Variants in STAT5B observed in about 807,000 individuals in gnomAD.
STAT5B encodes transcription factor STAT5B.
A neutral mutation model predicts 107.8 loss-of-function variants in STAT5B; 21 were observed. That is an observed-to-expected ratio of 0.19 (90% CI 0.14 to 0.28). The LOEUF is 0.28. Among genes scored for constraint, STAT5B ranks in the 10% least tolerant of loss-of-function variants. The pLI is 1.00. For synonymous variants in STAT5B, 325 were observed against 401.7 expected, an observed-to-expected ratio of 0.81 and a Z score of 2.28; for missense variants, 565 against 1,008.2, an observed-to-expected ratio of 0.56 and a Z score of 5.95.
Position 42,210,242 on chromosome 17 carries a change from T to C in STAT5B, c.1835A>G (p.Asp612Gly). Residue 612 changes from aspartate (D) to glycine (G), a missense_variant, in exon 15 of 19, where the codon GAT becomes GGT. Physicochemically the swap from Asp to Gly is moderately conservative, Grantham distance 94 (BLOSUM62 -1). Coordinates refer to ENST00000293328, the MANE Select transcript of STAT5B (RefSeq NM_012448.4). ...ACTGAATCTCAGGAGGAAGGTCCCA[T>C]CTGGCTTGTTAATGAGTAGGTCATG... ...QAHDLLINKPDGTFLLRFSDS... is the reference protein window; with the variant it reads ...QAHDLLINKPGGTFLLRFSDS... The C allele has an allele frequency of 6.2e-7, 1 of 1,614,206 alleles. No individual in the cohort carries two copies. Among genetic ancestry groups the C allele is most frequent in the Non-Finnish European group, 8.5e-7 (1 of 1,180,034 alleles).
chr17:42,221,347 T>C lies in STAT5B; in HGVS notation c.551-1505A>G, dbSNP rs373282709. ...CCCACTTAGGGCTCTCCTGGAAATT[T>C]GCAGAAGCTTTTGGGAAGGAGGCCA... On this transcript the variant is annotated intron_variant, in intron 5 of 18. Transcript: ENST00000293328. Among the ~76,000 whole-genome samples, 25 of 152,110 alleles carry C rather than the reference T, an allele frequency of 1.6e-4. No homozygotes were observed. The East Asian group carries it at 4.2e-3, about 26-fold the overall frequency.
At chr17:42,223,618 C>G in intron 4 of STAT5B, 62 bp from the exon 5 acceptor site, 1 of 1,591,550 alleles carries the variant, frequency 6.3e-7, no homozygotes, top group South Asian at 1.1e-5. Context: ...AGGCCTTAAT[C>G]CCCAGGAAAA....
At chr17:42,228,328 T>C (rs1161913689) in intron 2 of STAT5B, among the ~76,000 whole-genome samples, 1 of 152,190 alleles carries the variant, frequency 6.6e-6, no homozygotes, top group Non-Finnish European at 1.5e-5. Context: ...CTACAGACTT[T>C]GCATTGATTT....
At chr17:42,250,387 C>A (rs993687125) in intron 1 of STAT5B, among the ~76,000 whole-genome samples, 1 of 152,154 alleles carries the variant, frequency 6.6e-6, no homozygotes, top group African/African-American at 2.4e-5. Context: ...TTAAGCCACC[C>A]ACACACCCAC....
intron 1 of STAT5B, among the ~76,000 whole-genome samples, chr17:42,236,608 AT>A (rs36115673): frequency 6.6e-6 from 1 of 151,904 alleles, no homozygotes; most frequent in African/African-American, 2.4e-5. Context: ...CGCCTGGCTA[AT>A]TTTTTTTAGT....
chr17:42,256,424 C>T (rs909190322), intron 1 of STAT5B, among the ~76,000 whole-genome samples: 18 of 152,114 alleles, frequency 1.2e-4, no homozygotes, highest in African/African-American at 4.1e-4. Context: ...CACTTTCAGT[C>T]CTTCTGAGGG....
At chr17:42,210,913 G>A (rs115479264) in intron 13 of STAT5B, among the ~76,000 whole-genome samples, 1,804 of 152,180 alleles carry the variant, frequency 0.012, 28 homozygotes, top group African/African-American at 0.042. Context: ...TTCAAATCAA[G>A]GTGATAGCCG....
At chr17:42,238,095 TATCCATCCATCCATCCATCC>T (rs60439745) in intron 1 of STAT5B, among the ~76,000 whole-genome samples, 7,315 of 141,054 alleles carry the variant, frequency 0.052, 280 homozygotes, top group Non-Finnish European at 0.075. Flanking sequence ...TAAACTTTTC[TATCCATCCATCCATCCATCC>T]ATCCATCCAT....
chr17:42,225,435 T>C (rs889236916), intron 3 of STAT5B, among the ~76,000 whole-genome samples: 2 of 152,128 alleles, frequency 1.3e-5, no homozygotes, highest in African/African-American at 4.8e-5. Flanking sequence ...CACTCTCAAA[T>C]GGGCAATCAA....
At chr17:42,284,645 T>C in the STAT5B span, among the ~76,000 whole-genome samples, 1 of 152,148 alleles carries the variant, frequency 6.6e-6, no homozygotes, top group African/African-American at 2.4e-5. Context: ...TCCCATTCAA[T>C]AGAGCAGGGG....
At chr17:42,241,601 TCTGG>T in intron 1 of STAT5B, among the ~76,000 whole-genome samples, 1 of 152,016 alleles carries the variant, frequency 6.6e-6, no homozygotes, top group Non-Finnish European at 1.5e-5. Context: ...TGCCACTGTG[TCTGG>T]CTAATTTTTG....
chr17:42,282,992 A>G, the STAT5B span, among the ~76,000 whole-genome samples: 1 of 152,048 alleles, frequency 6.6e-6, no homozygotes, highest in Non-Finnish European at 1.5e-5. Flanking sequence ...AGACTTAAGA[A>G]ACGAAGAAAC....
In STAT5B at chr17:42,202,289, G is replaced by A. The variant is rs749983615; in HGVS notation, c.2237+51C>T. 15 of 1,608,858 alleles carry A rather than the reference G, an allele frequency of 9.3e-6. No homozygotes were observed. In the South Asian group the frequency reaches 1.4e-4, roughly 15 times the overall value. On this transcript the variant is annotated intron_variant, in intron 18 of 18. Coordinates refer to ENST00000293328, the MANE Select transcript of STAT5B (RefSeq NM_012448.4). ...CCAGCCCTCCAGGGGTCCAGCCTGG[G>A]GCCAAGCCCCCAGTTCCTCCCCTGT...
At chr17:42,227,288 TCAA>T (rs1024431915) in intron 3 of STAT5B, among the ~76,000 whole-genome samples, 2 of 149,960 alleles carry the variant, frequency 1.3e-5, no homozygotes, top group African/African-American at 4.9e-5. Context: ...AACATAAAAG[TCAA>T]CAACAGGTGA....
chr17:42,202,290 G>C (rs1328169174), intron 18 of STAT5B, 50 bp downstream of exon 18: 1 of 1,609,188 alleles, frequency 6.2e-7, no homozygotes, highest in Admixed American at 1.7e-5. Context: ...CCAGCCTGGG[G>C]CCAAGCCCCC....
intron 5 of STAT5B, among the ~76,000 whole-genome samples, chr17:42,220,931 C>T (rs994529096): frequency 1.3e-5 from 2 of 151,766 alleles, no homozygotes; most frequent in South Asian, 2.1e-4. Flanking sequence ...AGCGACAGCC[C>T]GTCTCCACCA....
chr17:42,242,746 T>C (rs1479514692), intron 1 of STAT5B, among the ~76,000 whole-genome samples: 4 of 152,026 alleles, frequency 2.6e-5, no homozygotes, highest in Non-Finnish European at 5.9e-5. Flanking sequence ...GCCCAGAGGA[T>C]CACTCAAGGT....
chr17:42,201,485 C>CA lies in STAT5B; in HGVS notation c.*252dup. 1 of 620,252 alleles carries CA rather than the reference C, an allele frequency of 1.6e-6. No individual in the cohort carries two copies. 38.4% of individuals were successfully genotyped at this position (620,252 alleles called of 1,614,324 possible). On this transcript the variant is annotated 3_prime_UTR_variant, in exon 19 of 19. Transcript: ENST00000293328. ...GGCCCCTCTGCTACAACTAAACTCTCAGACAGTGAGAGGGAGAAACACCAT... is the reference window on the plus strand; with the variant it reads ...GGCCCCTCTGCTACAACTAAACTCTCAAGACAGTGAGAGGGAGAAACACCAT...
intron 1 of STAT5B, among the ~76,000 whole-genome samples, chr17:42,273,652 C>G (rs1369088603): frequency 1.3e-5 from 2 of 152,142 alleles, no homozygotes; most frequent in African/African-American, 2.4e-5. Context: ...GTTAGGCTTC[C>G]TTCGATTCCA....
Sources: gnomAD v4.1 joint callset for allele counts (sites outside exome capture counted in the v4.1 genomes callset) on GRCh38, gnomAD v4.1.1 for gene constraint, MANE v1.5 for transcripts, NCBI Gene and HGNC (gene_info 2026-07-23, HGNC 2026-07-21) for gene names.